The following UNC80 variants were observed in gnomAD, a reference collection of about 807,000 sequenced individuals.
UNC80 encodes the protein unc-80 subunit of NALCN channel complex.
A neutral mutation model predicts 384.6 loss-of-function variants in UNC80; 164 were observed. The ratio of observed to expected loss-of-function variants is 0.43; its 90% CI spans 0.38 to 0.49. The LOEUF is 0.49. UNC80 is among the 20% of genes least tolerant of loss of function. The pLI, the probability that UNC80 is intolerant of heterozygous loss-of-function variation, is 0.00. For missense variants in UNC80, 3,330 were observed against 4,143.0 expected, an observed-to-expected ratio of 0.80 and a Z score of 5.39; for synonymous variants, 1,486 against 1,527.8, an observed-to-expected ratio of 0.97 and a Z score of 0.64.
intron 24 of UNC80, among the ~76,000 whole-genome samples, chr2:209,879,772 C>T (rs908140434): frequency 6.6e-6 from 1 of 152,106 alleles, no homozygotes. Context: ...AAGCAACTTT[C>T]GGGCTGGAAA....
chr2:209,866,802 G>A (rs996437545), intron 22 of UNC80, among the ~76,000 whole-genome samples: 1 of 152,084 alleles, frequency 6.6e-6, no homozygotes. Flanking sequence ...ATCTTTAAAT[G>A]TGTTTGATAC....
intron 7 of UNC80, among the ~76,000 whole-genome samples, chr2:209,798,152 C>T (rs2078287520): frequency 6.6e-6 from 1 of 152,152 alleles, no homozygotes; most frequent in African/African-American, 2.4e-5. Flanking sequence ...TATGCAGAAG[C>T]CCTTTAGTTT....
At chr2:209,915,619 C>A (rs1258592527) in intron 31 of UNC80, among the ~76,000 whole-genome samples, 1 of 151,970 alleles carries the variant, frequency 6.6e-6, no homozygotes, top group Non-Finnish European at 1.5e-5. Context: ...TGTGAAAAAC[C>A]AGTGGTGGTT....
intron 42 of UNC80, among the ~76,000 whole-genome samples, chr2:209,938,243 T>G (rs1277929024): frequency 6.6e-6 from 1 of 152,220 alleles, no homozygotes; most frequent in African/African-American, 2.4e-5. Flanking sequence ...GGAAAGTCAC[T>G]ATTCTGCATG....
chr2:209,918,505 C>T (rs1431571473), intron 32 of UNC80, 27 bp from the exon 33 acceptor site: 1 of 1,548,878 alleles, frequency 6.5e-7, no homozygotes, highest in Non-Finnish European at 8.7e-7. Flanking sequence ...TTCCCTCTCA[C>T]CTAATTTTTC....
chr2:209,882,391 G>C (rs2085381814), intron 25 of UNC80, among the ~76,000 whole-genome samples: 1 of 152,064 alleles, frequency 6.6e-6, no homozygotes, highest in Non-Finnish European at 1.5e-5. Context: ...TCTGCCTCTG[G>C]TTTTCCGGAG....
rs61271372 is a variant in UNC80, at chr2:209,993,421, C to T, written c.9503C>T (p.Pro3168Leu). 2.3e-3 allele frequency: 3,577 copies of T among 1,551,362 alleles called. 48 individuals carry two copies. The African/African-American group carries it at 0.036, about 15-fold the overall frequency. ...TRRSIQPKTK[P>L]SADQKRSVTF... The stretch of plus-strand genomic sequence containing the variant: ...AGGAGCATTCAACCTAAAACGAAGC[C>T]GTCTGGTGAGGCCTCCTGTGTCCCT... The change falls in exon 63 of 65, where the codon CCG becomes CTG. Residue 3168 changes from proline to leucine, a missense_variant. Coordinates refer to ENST00000673920, the MANE Select transcript of UNC80 (RefSeq NM_001371986.1).
intron 28 of UNC80, among the ~76,000 whole-genome samples, chr2:209,898,012 G>C (rs1290246047): frequency 6.6e-6 from 1 of 152,182 alleles, no homozygotes; most frequent in South Asian, 2.1e-4. Context: ...TCAGCAAAAA[G>C]ATTGTTTATA....
intron 22 of UNC80, among the ~76,000 whole-genome samples, chr2:209,850,663 T>C (rs888916012): frequency 1.3e-5 from 2 of 152,202 alleles, no homozygotes; most frequent in Admixed American, 1.3e-4. Flanking sequence ...TTCCGTTATA[T>C]AAGATTTTTT....
chr2:209,804,100 C>T (rs1014649126), intron 7 of UNC80, among the ~76,000 whole-genome samples: 3 of 152,104 alleles, frequency 2.0e-5, no homozygotes, highest in Non-Finnish European at 4.4e-5. Flanking sequence ...ACTTCCTACT[C>T]ATCTATTACC....
At chr2:209,907,997 A>G (rs575505442) in intron 29 of UNC80, among the ~76,000 whole-genome samples, 2 of 152,340 alleles carry the variant, frequency 1.3e-5, no homozygotes, top group East Asian at 3.9e-4. Context: ...ACATATTGTA[A>G]TTAGTCATTC....
In UNC80 at chr2:209,793,808, A is replaced by T; in HGVS notation, c.887A>T (p.Asp296Val). 1.2e-6 allele frequency: 2 copies of T among 1,614,164 alleles called. No homozygotes were observed. The highest frequency in any genetic ancestry group is 1.7e-6 in the Non-Finnish European group (2 of 1,179,984). Residue 296 changes from aspartate (D) to valine (V), a missense_variant, in exon 7 of 65, where the codon GAT becomes GTT. Around this residue, in one of 8 missense-constraint regions of UNC80, gnomAD observed 937 missense variants for 1,026.8 expected, o/e 0.91. Transcript: ENST00000673920. ...GGCTGTCACCGAGGAAACTCCTTTG[A>T]TGGAAGTCTGTCCTCCCAAACTTCC... ...ISGCHRGNSF[D>V]GSLSSQTSQE...
intron 55 of UNC80, 31 bp downstream of exon 55, chr2:209,972,355 C>A: frequency 6.5e-7 from 1 of 1,547,200 alleles, no homozygotes; most frequent in South Asian, 1.2e-5. Flanking sequence ...GGAAATTTAT[C>A]ATTGTTGTTG....
At position 209,964,687 on chromosome 2, in the gene UNC80, C is replaced by T. The variant is rs986436232; in HGVS notation, c.7806-2750C>T. 3.3e-5 allele frequency among the ~76,000 whole-genome samples: 5 copies of T among 151,154 alleles called. No homozygotes were observed. In the South Asian group the frequency reaches 1.0e-3, roughly 32 times the overall value. ...CCTGTAGTCCCAGCTACTCAGGAGG[C>T]TGAGGCAGGAGAATCGCTTGTACCG... On this transcript the variant is annotated intron_variant, in intron 51 of 64. Coordinates refer to ENST00000673920, the MANE Select transcript of UNC80 (RefSeq NM_001371986.1).
In UNC80 at chr2:209,978,637, A is replaced by G; in HGVS notation, c.9047A>G (p.Glu3016Gly). The stretch of plus-strand genomic sequence containing the variant: ...AACACGGGCACGGGCACTGTCTGGG[A>G]GCAGGACAGTGAGCCATCCCAGCAG... ...RSNTGTGTVW[E>G]QDSEPSQQAS... The change falls in exon 59 of 65, where the codon GAG becomes GGG. Residue 3016 changes from glutamate to glycine, a missense_variant. Around this residue, in one of 8 missense-constraint regions of UNC80, gnomAD observed 216 missense variants for 245.3 expected, o/e 0.88. Transcript: ENST00000673920. The G allele has an allele frequency of 6.4e-7, 1 of 1,551,418 alleles. No homozygotes were observed. The highest frequency in any genetic ancestry group is 2.4e-5 in the East Asian group (1 of 40,910).
chr2:209,846,662 C>G (rs1377326731), intron 21 of UNC80, among the ~76,000 whole-genome samples: 1 of 151,938 alleles, frequency 6.6e-6, no homozygotes, highest in Non-Finnish European at 1.5e-5. Context: ...AATTACACCT[C>G]AATATACACC....
chr2:209,962,735 T>C (rs1185576708), intron 51 of UNC80, among the ~76,000 whole-genome samples: 5 of 152,198 alleles, frequency 3.3e-5, no homozygotes, highest in African/African-American at 7.2e-5. Context: ...TCTGACCAAA[T>C]AGAGACATTC....
chr2:209,882,656 C>A (rs1179794861), intron 25 of UNC80, among the ~76,000 whole-genome samples: 1 of 152,110 alleles, frequency 6.6e-6, no homozygotes, highest in Admixed American at 6.5e-5. Context: ...AAATCAAGGC[C>A]ACCACTCAGC....
At chr2:209,851,725 C>A (rs1467145944) in intron 22 of UNC80, among the ~76,000 whole-genome samples, 1 of 151,740 alleles carries the variant, frequency 6.6e-6, no homozygotes, top group Non-Finnish European at 1.5e-5. Flanking sequence ...TTATTGTATG[C>A]CCACCGTGTT....
Sources: gnomAD v4.1 joint callset for allele counts (sites outside exome capture counted in the v4.1 genomes callset) on GRCh38, gnomAD v4.1.1 for gene constraint, gnomAD v4.1.1 regional missense constraint, MANE v1.5 for transcripts, NCBI Gene and HGNC (gene_info 2026-07-23, HGNC 2026-07-21) for gene names.